The following PPM1H variants were observed in gnomAD, a reference collection of about 807,000 sequenced individuals.
PPM1H encodes the protein protein phosphatase 1H.
In PPM1H, 27 loss-of-function variants were observed where a neutral mutation model predicts 54.9. The observed-to-expected ratio is 0.49, with a 90% confidence interval of 0.36 to 0.68. The LOEUF is 0.68. PPM1H is among the 30% of genes least tolerant of loss of function. PPM1H has a pLI of 0.00. For synonymous variants in PPM1H, 305 were observed against 270.8 expected, an observed-to-expected ratio of 1.13 and a Z score of -1.24; for missense variants, 596 against 667.8, an observed-to-expected ratio of 0.89 and a Z score of 1.19.
At chr12:62,795,068 TA>T (rs897026535) in intron 3 of PPM1H, among the ~76,000 whole-genome samples, 3 of 152,140 alleles carry the variant, frequency 2.0e-5, no homozygotes, top group African/African-American at 7.2e-5. Flanking sequence ...CAGTAAGTAT[TA>T]AAAACCAGTG....
chr12:62,741,918 T>C (rs1018105714), intron 4 of PPM1H, among the ~76,000 whole-genome samples: 6 of 152,090 alleles, frequency 3.9e-5, no homozygotes, highest in African/African-American at 1.4e-4. Flanking sequence ...AGCAATATTA[T>C]ATAACTTATA....
intron 4 of PPM1H, among the ~76,000 whole-genome samples, chr12:62,740,632 G>A (rs1362367811): frequency 1.3e-5 from 2 of 152,154 alleles, no homozygotes; most frequent in African/African-American, 4.8e-5. Flanking sequence ...TGCTTTCCAC[G>A]CTAGCCTGTA....
At chr12:62,859,245 CAAAAAACAAGGGGGAAATAGTGTGT>C (rs531983949) in intron 1 of PPM1H, among the ~76,000 whole-genome samples, 263 of 152,140 alleles carry the variant, frequency 1.7e-3, no homozygotes, top group African/African-American at 6.0e-3. Context: ...AACATTCATC[CAAAAAACAAGGGGGAAATAGTGTGT>C]AAAAAGCAAG....
chr12:62,803,322 T>C (rs518285), intron 2 of PPM1H, among the ~76,000 whole-genome samples: 21,366 of 152,174 alleles, frequency 0.14, 2,155 homozygotes, highest in African/African-American at 0.29. Flanking sequence ...ATTACACACG[T>C]GTTAGATCTT....
intron 4 of PPM1H, among the ~76,000 whole-genome samples, chr12:62,766,143 G>A (rs183137949): frequency 6.6e-6 from 1 of 152,170 alleles, no homozygotes; most frequent in African/African-American, 2.4e-5. Flanking sequence ...ATGACAGAAG[G>A]GGTGGGGAGG....
chr12:62,689,885 G>T, intron 7 of PPM1H, 79 bp from the exon 8 acceptor site: 1 of 985,164 alleles, frequency 1.0e-6, no homozygotes, highest in Non-Finnish European at 1.5e-6. Flanking sequence ...CCTGGGCTAG[G>T]AACAACCAAA....
At chr12:62,797,793 T>C (rs1313702337) in intron 3 of PPM1H, among the ~76,000 whole-genome samples, 1 of 152,206 alleles carries the variant, frequency 6.6e-6, no homozygotes, top group Non-Finnish European at 1.5e-5. Context: ...ATTGTTTCTA[T>C]GAAACAGGAG....
intron 4 of PPM1H, among the ~76,000 whole-genome samples, chr12:62,779,460 C>T (rs189392313): frequency 1.3e-5 from 2 of 152,192 alleles, no homozygotes; most frequent in South Asian, 2.1e-4. Context: ...CATTCTTCAG[C>T]GGCTTGTTGC....
rs1402279326 is a variant in PPM1H at position 62,865,654 on chromosome 12, G to A, written c.246-33375C>T. ...TGGGACTACAGGCATGTGCCACCAC[G>A]TCCTGCTAATTTTTTTTATTTCTAG... On this transcript the variant is annotated intron_variant, in intron 1 of 9. Transcript: ENST00000228705. Among the ~76,000 whole-genome samples, 3 of 151,976 alleles carry A rather than the reference G, an allele frequency of 2.0e-5. 1 individual carries two copies. Among genetic ancestry groups the A allele is most frequent in the Admixed American group, 6.6e-5 (1 of 15,260 alleles).
At chr12:62,736,060 G>C (rs564832743) in intron 5 of PPM1H, among the ~76,000 whole-genome samples, 1 of 152,316 alleles carries the variant, frequency 6.6e-6, no homozygotes, top group African/African-American at 2.4e-5. Context: ...GGAGCCAAAG[G>C]CTTTTAGATA....
chr12:62,839,884 A>AAAAAAAAAAAAAAAAAAAAC (rs1555200469), intron 1 of PPM1H, among the ~76,000 whole-genome samples: 1 of 150,170 alleles, frequency 6.7e-6, no homozygotes, highest in African/African-American at 2.5e-5. Flanking sequence ...CAAAAAAAAA[A>AAAAAAAAAAAAAAAAAAAAC]AAAAAACACC....
At chr12:62,884,190 C>T (rs532702488) in intron 1 of PPM1H, among the ~76,000 whole-genome samples, 8 of 152,080 alleles carry the variant, frequency 5.3e-5, no homozygotes, top group African/African-American at 9.6e-5. Flanking sequence ...TTGCTTATCA[C>T]GAAATATGAA....
intron 9 of PPM1H, among the ~76,000 whole-genome samples, chr12:62,653,343 T>G (rs1487690038): frequency 1.3e-5 from 2 of 152,238 alleles, no homozygotes; most frequent in African/African-American, 4.8e-5. Context: ...AGATCTTATT[T>G]TACCTTGCAG....
At chr12:62,919,370 G>A (rs1871721064) in intron 1 of PPM1H, among the ~76,000 whole-genome samples, 1 of 151,944 alleles carries the variant, frequency 6.6e-6, no homozygotes, top group African/African-American at 2.4e-5. Flanking sequence ...CTGTGGTCCA[G>A]GCTCCTTGAA....
intron 4 of PPM1H, among the ~76,000 whole-genome samples, chr12:62,759,184 CACACGA>C (rs1231999893): frequency 6.6e-6 from 1 of 152,218 alleles, no homozygotes; most frequent in African/African-American, 2.4e-5. Flanking sequence ...GTGGTCTCTT[CACACGA>C]ACACGTGAGA....
In PPM1H at chr12:62,843,053, C is replaced by T. The variant is rs546205194; in HGVS notation, c.246-10774G>A. On this transcript the variant is annotated intron_variant, in intron 1 of 9. Transcript: ENST00000228705. Reference sequence around the variant, plus strand: ...TTCATAGGCTGGGCATGGTGGCTCACGCTTGTAATTCCAGCACTTTGGGAG... The same window carrying T: ...TTCATAGGCTGGGCATGGTGGCTCATGCTTGTAATTCCAGCACTTTGGGAG... 1.8e-4 allele frequency among the ~76,000 whole-genome samples: 28 copies of T among 152,306 alleles called. No homozygotes were observed. The South Asian group carries it at 4.8e-3, about 26-fold the overall frequency.
At chr12:62,852,108 A>G (rs1434877567) in intron 1 of PPM1H, among the ~76,000 whole-genome samples, 3 of 151,812 alleles carry the variant, frequency 2.0e-5, no homozygotes, top group Admixed American at 2.0e-4. Flanking sequence ...GGGCGCCTGT[A>G]ATCCCAGCTA....
chr12:62,933,811 C>T (rs1020616752), intron 1 of PPM1H: 1 of 152,162 alleles, frequency 6.6e-6, no homozygotes, highest in African/African-American at 2.4e-5. Context: ...CAAGCTTAAT[C>T]ACCAAAGCGG....
intron 5 of PPM1H, among the ~76,000 whole-genome samples, chr12:62,725,842 A>C (rs1354859659): frequency 6.6e-6 from 1 of 152,152 alleles, no homozygotes; most frequent in African/African-American, 2.4e-5. Flanking sequence ...GTTAAAAAAA[A>C]ACAAAGACGT....
Sources: gnomAD v4.1 joint callset for allele counts (sites outside exome capture counted in the v4.1 genomes callset) on GRCh38, gnomAD v4.1.1 for gene constraint, MANE v1.5 for transcripts, NCBI Gene and HGNC (gene_info 2026-07-23, HGNC 2026-07-21) for gene names.